SDHB: variants seen among roughly 807,000 people sequenced by gnomAD.
SDHB encodes succinate dehydrogenase complex iron sulfur subunit B, also known as succinate dehydrogenase [ubiquinone] iron-sulfur subunit, mitochondrial.
In SDHB, 21 loss-of-function variants were observed where a neutral mutation model predicts 39.7. The ratio of observed to expected loss-of-function variants is 0.53; its 90% confidence interval spans 0.37 to 0.76. The LOEUF (loss-of-function observed/expected upper bound fraction) is 0.76. Ranked by LOEUF, SDHB falls within the 30% of genes least tolerant of loss-of-function variation. The pLI, the probability that SDHB is intolerant of heterozygous loss-of-function variation, is 0.00. For synonymous variants in SDHB, 118 were observed against 117.0 expected (o/e 1.01, Z -0.06); for missense variants, 343 against 350.9 (o/e 0.98, Z 0.18).
intron 2 of SDHB, among the ~76,000 whole-genome samples, chr1:17,040,631 GA>G (rs932327583): frequency 3.8e-4 from 58 of 152,044 alleles, no homozygotes; most frequent in African/African-American, 1.4e-3. Context: ...ATTTTTCAAA[GA>G]AAAAATTTTT....
At chr1:17,021,959 G>A (rs895238497) in intron 7 of SDHB, among the ~76,000 whole-genome samples, 2 of 152,204 alleles carry the variant, frequency 1.3e-5, no homozygotes, top group South Asian at 2.1e-4. Flanking sequence ...AAGGGCAGCC[G>A]GTCTGTAGCC....
At chr1:17,022,126 C>A (rs923868747) in intron 7 of SDHB, among the ~76,000 whole-genome samples, 1 of 152,178 alleles carries the variant, frequency 6.6e-6, no homozygotes, top group East Asian at 1.9e-4. Context: ...CCAAAAGCAG[C>A]AGCAAATGCG....
intron 1 of SDHB, among the ~76,000 whole-genome samples, chr1:17,046,401 A>G (rs1317885531): frequency 6.6e-6 from 1 of 152,054 alleles, no homozygotes; most frequent in Non-Finnish European, 1.5e-5. Context: ...GGTATAATTC[A>G]TTATAATAAA....
At chr1:17,042,641 G>A (rs1037869179) in intron 2 of SDHB, among the ~76,000 whole-genome samples, 1 of 152,050 alleles carries the variant, frequency 6.6e-6, no homozygotes, top group Non-Finnish European at 1.5e-5. Context: ...AGCTGGGTGT[G>A]GTGGCATGTG....
At chr1:17,037,638 G>A (rs994774513) in intron 2 of SDHB, among the ~76,000 whole-genome samples, 2 of 152,056 alleles carry the variant, frequency 1.3e-5, no homozygotes, top group African/African-American at 2.4e-5. Flanking sequence ...TGTATTTTTA[G>A]TAGAGACAGG....
intron 2 of SDHB, among the ~76,000 whole-genome samples, chr1:17,041,123 C>A: frequency 6.6e-6 from 1 of 151,980 alleles, no homozygotes; most frequent in East Asian, 2.0e-4. Context: ...GAGCAAGACT[C>A]CGTCTCAAGA....
At chr1:17,043,882 T>C (rs2078094817) in intron 2 of SDHB, among the ~76,000 whole-genome samples, 1 of 152,200 alleles carries the variant, frequency 6.6e-6, no homozygotes, top group African/African-American at 2.4e-5. Flanking sequence ...ATAGCGCAAA[T>C]GAGCAAAAAA....
chr1:17,027,965 G>A (rs1232922638), intron 4 of SDHB, 100 bp from the exon 5 acceptor site: 5 of 739,316 alleles, frequency 6.8e-6, no homozygotes, highest in Admixed American at 3.9e-5. Context: ...CTGACTACTC[G>A]TCCACTCTAT....
intron 2 of SDHB, among the ~76,000 whole-genome samples, chr1:17,042,072 C>T (rs1006400335): frequency 6.6e-6 from 1 of 152,084 alleles, no homozygotes; most frequent in Non-Finnish European, 1.5e-5. Flanking sequence ...CAGGCATGTG[C>T]CACCATGCCT....
At chr1:17,034,765 T>C (rs2078042357) in intron 2 of SDHB, among the ~76,000 whole-genome samples, 1 of 152,214 alleles carries the variant, frequency 6.6e-6, no homozygotes, top group South Asian at 2.1e-4. Context: ...TTTAAAAACC[T>C]TTGCTATTCT....
chr1:17,023,460 G>A (rs2235931), intron 6 of SDHB, among the ~76,000 whole-genome samples: 31,023 of 152,162 alleles, frequency 0.2, 3,623 homozygotes, highest in East Asian at 0.47. Context: ...TGAAAAGCAC[G>A]TATCTAAAAA....
At chr1:17,050,583 C>T (rs966568489) in intron 1 of SDHB, among the ~76,000 whole-genome samples, 1 of 150,364 alleles carries the variant, frequency 6.7e-6, no homozygotes, top group African/African-American at 2.4e-5. Context: ...ATCCGGGAGG[C>T]GGAGGGTACG....
At chr1:17,028,163 T>C (rs2078002017) in intron 4 of SDHB, among the ~76,000 whole-genome samples, 1 of 152,130 alleles carries the variant, frequency 6.6e-6, no homozygotes, top group African/African-American at 2.4e-5. Flanking sequence ...TATAGGGAGG[T>C]AGAAATTAAA....
intron 5 of SDHB, among the ~76,000 whole-genome samples, chr1:17,024,412 C>T (rs891890856): frequency 9.2e-5 from 14 of 152,238 alleles, no homozygotes; most frequent in African/African-American, 2.6e-4. Context: ...GAGGTCAAGA[C>T]GGGAGAGATT....
intron 2 of SDHB, among the ~76,000 whole-genome samples, chr1:17,035,477 G>C (rs1245981106): frequency 6.6e-6 from 1 of 152,062 alleles, no homozygotes; most frequent in Admixed American, 6.6e-5. Flanking sequence ...TGATCTGCCT[G>C]TTCTTGTCCT....
chr1:17,041,853 CT>C, intron 2 of SDHB, among the ~76,000 whole-genome samples: 1 of 152,176 alleles, frequency 6.6e-6, no homozygotes, highest in South Asian at 2.1e-4. Flanking sequence ...TCTTTCTAGG[CT>C]TTCCCCCTCA....
chr1:17,035,397 T>C (rs1427919920), intron 2 of SDHB, among the ~76,000 whole-genome samples: 1 of 152,206 alleles, frequency 6.6e-6, no homozygotes, highest in Non-Finnish European at 1.5e-5. Context: ...TTGTAATACC[T>C]TTCTCCCATA....
At chr1:17,030,926 G>A (rs1285643417) in intron 3 of SDHB, among the ~76,000 whole-genome samples, 1 of 150,716 alleles carries the variant, frequency 6.6e-6, no homozygotes, top group African/African-American at 2.4e-5. Flanking sequence ...TGATCTGCCC[G>A]CCTCGGCCTC....
In SDHB at chr1:17,053,942, AC is replaced by A; in HGVS notation, c.72+5del. The A allele has an allele frequency of 6.2e-7, 1 of 1,610,456 alleles. No individual in the cohort carries two copies. The highest frequency in any genetic ancestry group is 1.1e-5 in the South Asian group (1 of 90,600). On this transcript the variant is annotated splice_donor_5th_base_variant and intron_variant, in intron 1 of 7. Transcript: ENST00000375499. Reference sequence around the variant, plus strand: ...ACTTTTCCCTCTCTGAGGCTCCAGGACTCACCTGCAGGCAGGCTCCGCCAAG... The same window carrying A: ...ACTTTTCCCTCTCTGAGGCTCCAGGATCACCTGCAGGCAGGCTCCGCCAAG...
Sources: allele counts gnomAD v4.1 joint callset (sites outside exome capture counted in the v4.1 genomes callset), GRCh38; gene constraint gnomAD v4.1.1; transcripts MANE v1.5; gene names NCBI Gene and HGNC (gene_info 2026-07-23, HGNC 2026-07-21).